The following THOC1 variants were observed in gnomAD, a reference collection of about 807,000 sequenced individuals.
THOC1 encodes THO complex 1.
A neutral mutation model predicts 97.3 loss-of-function variants in THOC1; 29 were observed. The ratio of observed to expected loss-of-function variants is 0.30; its 90% confidence interval spans 0.22 to 0.41. THOC1 has a LOEUF of 0.41. Ranked by LOEUF, THOC1 falls within the 10% of genes least tolerant of loss-of-function variation. The pLI, the probability that THOC1 is intolerant of heterozygous loss-of-function variation, is 1.00. For missense variants in THOC1, 529 were observed against 761.9 expected (o/e 0.69, Z 3.60); for synonymous variants, 255 against 257.0 (o/e 0.99, Z 0.07).
In THOC1 at chr18:259,064, T is replaced by C. The variant is rs980444415; in HGVS notation, c.520+116A>G. The C allele has an allele frequency of 2.2e-5, 16 of 720,358 alleles. 1 individual carries two copies. The African/African-American group carries it at 2.9e-4, about 13-fold the overall frequency. 44.6% of individuals were successfully genotyped at this position (720,358 alleles called of 1,614,324 possible). A position where few individuals can be genotyped will look rare whatever the true frequency, so the allele number is the denominator to read the frequency against. ...TAAAAGAAAATAAAGTGACAATTTC[T>C]ATGATGTCTTTCAACTTTTTAGAAC... On this transcript the variant is annotated intron_variant, in intron 7 of 20. Coordinates refer to ENST00000261600, the MANE Select transcript of THOC1 (RefSeq NM_005131.3).
intron 19 of THOC1, 195 bp from the exon 20 acceptor site, chr18:215,699 GGA>G: frequency 1.9e-6 from 1 of 533,940 alleles, no homozygotes; most frequent in South Asian, 2.3e-5. Flanking sequence ...AGTGAACTTG[GGA>G]AGACCTCAGA....
At chr18:229,269 C>T (rs1229017261) in intron 11 of THOC1, among the ~76,000 whole-genome samples, 1 of 152,210 alleles carries the variant, frequency 6.6e-6, no homozygotes, top group Admixed American at 6.5e-5. Flanking sequence ...AAAAATCTCC[C>T]ACATTCTCAC....
intron 18 of THOC1, among the ~76,000 whole-genome samples, chr18:217,788 T>C (rs1425327277): frequency 6.6e-6 from 1 of 151,860 alleles, no homozygotes; most frequent in Non-Finnish European, 1.5e-5. Flanking sequence ...CACGGCAACC[T>C]TGGGGAAAAA....
chr18:264,144 C>A (rs1598308708), intron 3 of THOC1, 52 bp from the exon 4 acceptor site: 2 of 1,252,304 alleles, frequency 1.6e-6, no homozygotes, highest in East Asian at 4.7e-5. Context: ...TCAGACTAAA[C>A]TCGATTAACA....
chr18:257,379 G>A (rs1001375866), intron 7 of THOC1, among the ~76,000 whole-genome samples: 4 of 152,152 alleles, frequency 2.6e-5, no homozygotes, highest in African/African-American at 9.6e-5. Flanking sequence ...TATAGTTAAT[G>A]AGAGCCAAGT....
Position 268,023 on chromosome 18 carries a change from C to G in THOC1, c.-4G>C. 1 of 1,586,110 alleles carries G rather than the reference C, an allele frequency of 6.3e-7. No homozygotes were observed. Among genetic ancestry groups the G allele is most frequent in the Non-Finnish European group, 8.6e-7 (1 of 1,165,728 alleles). On this transcript the variant is annotated 5_prime_UTR_variant, in exon 1 of 21. Coordinates refer to ENST00000261600, the MANE Select transcript of THOC1 (RefSeq NM_005131.3). ...AGAGCGGCGGCGTCGGAGACATCTT[C>G]TCGGCTGCGCGTGCCCGCCACTGCG...
At chr18:265,693 T>A (rs1912745486) in intron 1 of THOC1, among the ~76,000 whole-genome samples, 163 bp from the exon 2 acceptor site, 1 of 152,218 alleles carries the variant, frequency 6.6e-6, no homozygotes, top group Admixed American at 6.5e-5. Context: ...CCAATGCTAC[T>A]TCATGATACG....
chr18:233,052 T>C (rs1033305110), intron 11 of THOC1, among the ~76,000 whole-genome samples: 4 of 152,244 alleles, frequency 2.6e-5, no homozygotes, highest in Non-Finnish European at 5.9e-5. Context: ...TACATCTTAA[T>C]ATTAAATCTT....
chr18:254,265 A>G lies in THOC1; in HGVS notation c.603+8T>C. On this transcript the variant is annotated splice_region_variant and intron_variant, in intron 8 of 20. Transcript: ENST00000261600. This position sits in a 1 kb window ranked among gnomAD's most constrained non-coding sequence, Gnocchi z 4.1. The stretch of plus-strand genomic sequence containing the variant: ...ATGTTATCTGAGAAGATTTCAAATC[A>G]GCCTCACCTTCTGACCCAGGGTGCT... The G allele has an allele frequency of 6.4e-7, 1 of 1,561,918 alleles. No individual in the cohort carries two copies. The highest frequency in any genetic ancestry group is 8.7e-7 in the Non-Finnish European group (1 of 1,147,492).
chr18:263,493 A>ATTGGGGGAGTAACTGAAGGTAAGTATGG, intron 4 of THOC1: 1 of 152,538 alleles, frequency 6.6e-6, no homozygotes. Flanking sequence ...TTCTCTAGCT[A>ATTGGGGGAGTAACTGAAGGTAAGTATGG]TTCCTTTCTT....
chr18:255,359 A>G (rs1472152548), intron 7 of THOC1, among the ~76,000 whole-genome samples: 1 of 152,252 alleles, frequency 6.6e-6, no homozygotes, highest in Non-Finnish European at 1.5e-5. Flanking sequence ...GAGGGAAGTT[A>G]AAAGTGCCAC....
rs1278256935 is a variant in THOC1 at position 246,450 on chromosome 18, A to G, written c.792T>C (p.Ser264=). Residue 264 remains serine (S), a synonymous_variant, in exon 11 of 21, where the codon TCT becomes TCC. Transcript: ENST00000261600. ...KISWKTFLKY[S]EEVLAVFKSY... ...TCTTAAAAACAGCTAAAACTTCTTC[A>G]GAATACTGCAAAATAAAAATATTAG... is the stretch of plus-strand genomic sequence containing the variant. 6.4e-7 allele frequency: 1 copy of G among 1,564,660 alleles called. No individual in the cohort carries two copies. Among genetic ancestry groups the G allele is most frequent in the Non-Finnish European group, 8.7e-7 (1 of 1,153,350 alleles).
chr18:234,124 T>C (rs1911591626), intron 11 of THOC1, among the ~76,000 whole-genome samples: 1 of 152,238 alleles, frequency 6.6e-6, no homozygotes, highest in African/African-American at 2.4e-5. Flanking sequence ...AAGAACACTA[T>C]TGATGTTTCT....
intron 7 of THOC1, among the ~76,000 whole-genome samples, chr18:255,132 T>C (rs538308741): frequency 6.6e-6 from 1 of 152,354 alleles, no homozygotes; most frequent in South Asian, 2.1e-4. Flanking sequence ...GGCCTCCTTA[T>C]TCCCTGAGAC....
At chr18:267,866 C>G in intron 1 of THOC1, 100 bp downstream of exon 1, 3 of 1,290,332 alleles carry the variant, frequency 2.3e-6, no homozygotes, top group East Asian at 2.8e-5. Flanking sequence ...GGACACACCT[C>G]TGTCTCACTT....
At chr18:261,642 C>G (rs1398671293) in intron 4 of THOC1, among the ~76,000 whole-genome samples, 1 of 152,172 alleles carries the variant, frequency 6.6e-6, no homozygotes, top group African/African-American at 2.4e-5. Context: ...TGAGACTGGA[C>G]TAGGTGACCT....
intron 4 of THOC1, among the ~76,000 whole-genome samples, chr18:261,706 A>C (rs1285339564): frequency 6.6e-6 from 1 of 152,202 alleles, no homozygotes; most frequent in Non-Finnish European, 1.5e-5. Flanking sequence ...CTGCACATCC[A>C]AGAGATTTGA....
chr18:218,976 G>A lies in THOC1; in HGVS notation c.1371-7C>T, dbSNP rs371609774. On this transcript the variant is annotated splice_region_variant and splice_polypyrimidine_tract_variant and intron_variant, in intron 17 of 20. Coordinates refer to ENST00000261600, the MANE Select transcript of THOC1 (RefSeq NM_005131.3). ...CAAAGTGGGCATGTGTTCCCTGAGC[G>A]GTACAAAAATAACCAGTGAGGATGG... 112 of 1,588,228 alleles carry A rather than the reference G, an allele frequency of 7.1e-5. No homozygotes were observed. The highest frequency in any genetic ancestry group is 7.0e-5 in the Admixed American group (4 of 56,942).
chr18:216,616 T>C lies in THOC1; in HGVS notation c.1472A>G (p.Asn491Ser). ...TAGTCTCAGGGCTCTCCAACCATAATTTGAATTGTTCACAGCCCTATAAAA... is the reference window on the plus strand; with the variant it reads ...TAGTCTCAGGGCTCTCCAACCATAACTTGAATTGTTCACAGCCCTATAAAA... The part of the protein sequence containing the change: ...ENEYKAVNNS[N>S]YGWRALRLLA... Residue 491 changes from asparagine to serine, a missense_variant, in exon 19 of 21, where the codon AAT becomes AGT. Physicochemically the swap from Asn to Ser is conservative, Grantham distance 46. Transcript: ENST00000261600. 6.2e-7 allele frequency: 1 copy of C among 1,613,804 alleles called. No homozygotes were observed. Among genetic ancestry groups the C allele is most frequent in the Non-Finnish European group, 8.5e-7 (1 of 1,179,832 alleles).
Sources: gnomAD v4.1 joint callset for allele counts (sites outside exome capture counted in the v4.1 genomes callset) on GRCh38, gnomAD v4.1.1 for gene constraint, Gnocchi (gnomAD v3.1) non-coding constraint, MANE v1.5 for transcripts, NCBI Gene and HGNC (gene_info 2026-07-23, HGNC 2026-07-21) for gene names.